The following PLCG2 variants were observed in gnomAD, a reference collection of about 807,000 sequenced individuals.
PLCG2 encodes phospholipase C gamma 2.
In PLCG2, 69 loss-of-function variants were observed where a neutral mutation model predicts 175.6. The ratio of observed to expected loss-of-function variants is 0.39; its 90% confidence interval spans 0.32 to 0.48. The LOEUF (loss-of-function observed/expected upper bound fraction) is 0.48, where lower values mean the gene tolerates loss of function less well. PLCG2 is among the 20% of genes least tolerant of loss of function. PLCG2 has a pLI of 0.91. For missense variants in PLCG2, 1,798 were observed against 1,650.9 expected (o/e 1.09, Z -1.54); for synonymous variants, 827 against 624.0 (o/e 1.33, Z -4.85).
At chr16:81,874,001 C>T (rs58245322) in intron 7 of PLCG2, among the ~76,000 whole-genome samples, 1 of 152,118 alleles carries the variant, frequency 6.6e-6, no homozygotes, top group Non-Finnish European at 1.5e-5. Flanking sequence ...CTCTGGGGTG[C>T]CCTAGATTGC....
In PLCG2 at chr16:81,806,716, G is replaced by C. The variant is rs956811097; in HGVS notation, c.193+20534G>C. Among the ~76,000 whole-genome samples, 21 of 152,094 alleles carry C rather than the reference G, an allele frequency of 1.4e-4. 1 individual carries two copies. Among genetic ancestry groups the C allele is most frequent in the Non-Finnish European group, 2.8e-4 (19 of 68,020 alleles). ...TCATGAGGGTCCAGGTGTGGGGCTG[G>C]GGACATGGAAGGCCTCACTGAGAAG... is the stretch of plus-strand genomic sequence containing the variant. On this transcript the variant is annotated intron_variant, in intron 2 of 32. Coordinates refer to ENST00000564138, the MANE Select transcript of PLCG2 (RefSeq NM_002661.5).
intron 7 of PLCG2, among the ~76,000 whole-genome samples, chr16:81,877,800 A>G (rs1343408243): frequency 1.3e-5 from 2 of 149,512 alleles, no homozygotes; most frequent in Non-Finnish European, 3.0e-5. Context: ...TGTAGATGTC[A>G]TTGCATCGCT....
At chr16:81,818,883 ATTTTTTTTTT>A (rs57346304) in intron 2 of PLCG2, among the ~76,000 whole-genome samples, 1 of 106,612 alleles carries the variant, frequency 9.4e-6, no homozygotes, top group Admixed American at 9.8e-5. Flanking sequence ...GGGCTCATGG[ATTTTTTTTTT>A]TTTTTTTTTT....
intron 2 of PLCG2, among the ~76,000 whole-genome samples, chr16:81,791,187 T>C (rs1457358793): frequency 6.6e-6 from 1 of 152,144 alleles, no homozygotes; most frequent in East Asian, 1.9e-4. Context: ...CAAGATTGTG[T>C]GCTTAGTACC....
At chr16:81,896,061 C>A in intron 13 of PLCG2, 134 bp downstream of exon 13, 3 of 1,109,368 alleles carry the variant, frequency 2.7e-6, no homozygotes, top group Non-Finnish European at 4.0e-6. Context: ...CCATCTTGGC[C>A]AAAGCCACTG....
chr16:81,869,449 T>C (rs754452181), intron 6 of PLCG2, 151 bp downstream of exon 6: 3 of 634,200 alleles, frequency 4.7e-6, no homozygotes, highest in Non-Finnish European at 8.6e-6. Flanking sequence ...AGAGGGATCA[T>C]GGACATATCT....
intron 1 of PLCG2, among the ~76,000 whole-genome samples, chr16:81,742,451 C>A (rs4312299): frequency 6.6e-6 from 1 of 151,894 alleles, no homozygotes; most frequent in Non-Finnish European, 1.5e-5. Flanking sequence ...TCCTGGGGCC[C>A]AGCCTATCTC....
intron 8 of PLCG2, 105 bp from the exon 9 acceptor site, chr16:81,883,164 A>G (rs1199740178): frequency 3.3e-6 from 3 of 903,066 alleles, no homozygotes; most frequent in South Asian, 2.7e-5. Flanking sequence ...TGCCAGACTA[A>G]GTGGGGCGTT....
At chr16:81,779,001 C>G (rs1220499844), upstream of PLCG2, among the ~76,000 whole-genome samples, 1 of 152,138 alleles carries the variant, frequency 6.6e-6, no homozygotes, top group Non-Finnish European at 1.5e-5. Context: ...GGACTGCGGC[C>G]GGCTCTCCAG....
At chr16:81,954,883 T>C (rs552286962) in intron 31 of PLCG2, among the ~76,000 whole-genome samples, 5 of 152,340 alleles carry the variant, frequency 3.3e-5, no homozygotes, top group South Asian at 4.1e-4. Context: ...TCAAATGGTA[T>C]TGCTGGTTCT....
chr16:81,742,325 C>T (rs971715638), intron 1 of PLCG2, among the ~76,000 whole-genome samples: 4 of 152,096 alleles, frequency 2.6e-5, no homozygotes, highest in Non-Finnish European at 4.4e-5. Context: ...AAGGAAGGGC[C>T]TGACTGGGAT....
At chr16:81,912,130 G>A (rs543393326) in intron 18 of PLCG2, among the ~76,000 whole-genome samples, 5 of 151,958 alleles carry the variant, frequency 3.3e-5, no homozygotes, top group South Asian at 4.2e-4. Context: ...ACAGAGTTTC[G>A]CCATGTTGGT....
At chr16:81,824,863 A>G (rs1409856762) in intron 2 of PLCG2, among the ~76,000 whole-genome samples, 1 of 152,220 alleles carries the variant, frequency 6.6e-6, no homozygotes, top group Non-Finnish European at 1.5e-5. Flanking sequence ...ATTAAGGGAA[A>G]GATCTTGAGA....
intron 11 of PLCG2, among the ~76,000 whole-genome samples, chr16:81,892,149 G>A (rs1908667160): frequency 1.3e-5 from 2 of 152,230 alleles, no homozygotes; most frequent in African/African-American, 4.8e-5. Flanking sequence ...CCTGGGGCAG[G>A]AACAACTGAG....
intron 2 of PLCG2, among the ~76,000 whole-genome samples, chr16:81,797,322 T>C (rs1911514292): frequency 1.3e-5 from 2 of 152,184 alleles, no homozygotes; most frequent in South Asian, 4.1e-4. Flanking sequence ...CCCTAGTCTG[T>C]CTTAGATATA....
At chr16:81,844,393 G>T (rs1906002641) in intron 2 of PLCG2, among the ~76,000 whole-genome samples, 1 of 152,002 alleles carries the variant, frequency 6.6e-6, no homozygotes. Context: ...TTGGCTCACT[G>T]CAACCTCTGC....
chr16:81,948,206 C>T (rs1911227177), intron 31 of PLCG2, among the ~76,000 whole-genome samples: 1 of 152,202 alleles, frequency 6.6e-6, no homozygotes, highest in Non-Finnish European at 1.5e-5. Context: ...ATCTGCATGT[C>T]AAATTGTTCT....
chr16:81,897,423 A>G (rs1205577772), intron 13 of PLCG2, among the ~76,000 whole-genome samples: 1 of 152,228 alleles, frequency 6.6e-6, no homozygotes, highest in Non-Finnish European at 1.5e-5. Flanking sequence ...TGCACCTCAC[A>G]GGGCGGTTGT....
Position 81,913,512 on chromosome 16 carries a change from C to T in PLCG2, c.2054+796C>T, listed in dbSNP as rs373946027. On this transcript the variant is annotated intron_variant, in intron 19 of 32. Transcript: ENST00000564138. The stretch of plus-strand genomic sequence containing the variant: ...TTTGAGGTTCAGATGCAGGCCTGTC[C>T]GTCTCCAAAGCCTAAGCTCTTCACT... Among the ~76,000 whole-genome samples, 24 of 152,334 alleles carry T rather than the reference C, an allele frequency of 1.6e-4. 2 individuals carry two copies. The South Asian group carries it at 2.9e-3, about 18-fold the overall frequency.
Sources: gnomAD v4.1 joint callset for allele counts (sites outside exome capture counted in the v4.1 genomes callset) on GRCh38, gnomAD v4.1.1 for gene constraint, MANE v1.5 for transcripts, NCBI Gene and HGNC (gene_info 2026-07-23, HGNC 2026-07-21) for gene names.